Variants in ZNF385D observed in about 807,000 individuals in gnomAD.
ZNF385D encodes the protein zinc finger protein 659.
Under a neutral mutation model 35.8 loss-of-function variants are expected in ZNF385D, and 15 were observed. The observed-to-expected ratio is 0.42, with a 90% CI of 0.28 to 0.64. The LOEUF (loss-of-function observed/expected upper bound fraction) is 0.64. Among genes scored for constraint, ZNF385D ranks in the 30% least tolerant of loss-of-function variants. The probability of loss-of-function intolerance (pLI) is 0.23; values close to 1 mark genes in which losing one functional copy is unlikely to be tolerated. For missense variants in ZNF385D, 474 were observed against 494.6 expected, an observed-to-expected ratio of 0.96 and a Z score of 0.39; for synonymous variants, 212 against 186.8, an observed-to-expected ratio of 1.13 and a Z score of -1.10.
intron 2 of ZNF385D, among the ~76,000 whole-genome samples, chr3:21,600,329 G>A (rs896222734): frequency 2.0e-5 from 3 of 152,054 alleles, no homozygotes; most frequent in Non-Finnish European, 2.9e-5. Context: ...CTCTCTTGGG[G>A]TCTGAATCAG....
intron 5 of ZNF385D, among the ~76,000 whole-genome samples, chr3:21,428,575 C>T (rs1701131872): frequency 6.6e-6 from 1 of 152,112 alleles, no homozygotes; most frequent in African/African-American, 2.4e-5. Context: ...CCCCCACCCC[C>T]TGCTTTTTCT....
chr3:22,147,098 A>G (rs1704908588), intron 3 of ZNF385D, among the ~76,000 whole-genome samples: 1 of 152,216 alleles, frequency 6.6e-6, no homozygotes, highest in Non-Finnish European at 1.5e-5. Context: ...ACATTCTACA[A>G]ATGCTTGTAA....
chr3:21,980,377 C>G (rs1694362126), intron 3 of ZNF385D, among the ~76,000 whole-genome samples: 1 of 152,028 alleles, frequency 6.6e-6, no homozygotes, highest in Non-Finnish European at 1.5e-5. Flanking sequence ...TTTTAAGCCA[C>G]TAAATTTTGG....
At chr3:22,140,048 C>T (rs1191913577) in intron 3 of ZNF385D, among the ~76,000 whole-genome samples, 1 of 152,290 alleles carries the variant, frequency 6.6e-6, no homozygotes, top group African/African-American at 2.4e-5. Context: ...GTGGCAGTTT[C>T]TTATAAAGCT....
Position 21,494,702 on chromosome 3 carries a change from T to G in ZNF385D, c.439+16159A>C, listed in dbSNP as rs141911875. On this transcript the variant is annotated intron_variant, in intron 4 of 7. Coordinates refer to ENST00000281523, the MANE Select transcript of ZNF385D (RefSeq NM_024697.3). ...TATTCCCATAATCTTTACAAGCCTC[T>G]AGCACAAAACTTCTCAACCACTTTA... 1.7e-3 allele frequency among the ~76,000 whole-genome samples: 259 copies of G among 152,290 alleles called. 1 individual carries two copies. Among genetic ancestry groups the G allele is most frequent in the African/African-American group, 6.0e-3 (251 of 41,574 alleles).
intron 4 of ZNF385D, among the ~76,000 whole-genome samples, chr3:21,501,812 A>G (rs980711506): frequency 6.6e-6 from 1 of 152,234 alleles, no homozygotes; most frequent in African/African-American, 2.4e-5. Flanking sequence ...CAAACACACA[A>G]AGACACAGAT....
chr3:22,197,101 C>G (rs572538229), intron 2 of ZNF385D, among the ~76,000 whole-genome samples: 2 of 151,912 alleles, frequency 1.3e-5, no homozygotes, highest in South Asian at 4.2e-4. Flanking sequence ...AATTTTTAGT[C>G]TGATGTTTTG....
intron 3 of ZNF385D, among the ~76,000 whole-genome samples, chr3:21,994,598 T>C (rs1192807810): frequency 6.6e-6 from 1 of 152,214 alleles, no homozygotes; most frequent in Non-Finnish European, 1.5e-5. Context: ...AATGTTATGT[T>C]AGCTTGCTTT....
chr3:21,465,367 A>C lies in ZNF385D; in HGVS notation c.440-28164T>G, dbSNP rs1703448184. On this transcript the variant is annotated intron_variant, in intron 4 of 7. Transcript: ENST00000281523. This position sits in a 1 kb window ranked among gnomAD's most constrained non-coding sequence, Gnocchi z 4.2. ...TTTTGGTCTAACAAAGCCATATATA[A>C]TCCCAATTAATTTGAAATACTTTCT... Among the ~76,000 whole-genome samples, 1 of 152,206 alleles carries C rather than the reference A, an allele frequency of 6.6e-6. No homozygotes were observed. Among genetic ancestry groups the C allele is most frequent in the Non-Finnish European group, 1.5e-5 (1 of 68,042 alleles).
intron 3 of ZNF385D, among the ~76,000 whole-genome samples, chr3:21,783,661 G>A (rs1162228058): frequency 2.6e-5 from 4 of 152,002 alleles, no homozygotes; most frequent in Non-Finnish European, 4.4e-5. Flanking sequence ...TTCCCACCAT[G>A]TCTGGCTCCT....
At chr3:22,181,878 CTTA>C (rs1473160854) in intron 2 of ZNF385D, among the ~76,000 whole-genome samples, 1 of 152,076 alleles carries the variant, frequency 6.6e-6, no homozygotes, top group Non-Finnish European at 1.5e-5. Context: ...AAAATGTGAT[CTTA>C]TTATGAGTTT....
At chr3:21,865,724 GA>G (rs1697311863) in intron 3 of ZNF385D, among the ~76,000 whole-genome samples, 1 of 152,086 alleles carries the variant, frequency 6.6e-6, no homozygotes, top group Non-Finnish European at 1.5e-5. Context: ...TACACAAACA[GA>G]ATTTTGTTCC....
intron 3 of ZNF385D, among the ~76,000 whole-genome samples, chr3:21,937,049 A>G (rs1163822405): frequency 6.6e-6 from 1 of 152,178 alleles, no homozygotes; most frequent in African/African-American, 2.4e-5. Flanking sequence ...ATTCTTTGTC[A>G]GAGAGATTTG....
At chr3:22,053,267 A>G in intron 3 of ZNF385D, among the ~76,000 whole-genome samples, 1 of 78,030 alleles carries the variant, frequency 1.3e-5, no homozygotes, top group Non-Finnish European at 2.6e-5. Flanking sequence ...AAATAACTAA[A>G]ATCAGAGCAG....
intron 3 of ZNF385D, among the ~76,000 whole-genome samples, chr3:21,833,213 T>C (rs11712488): frequency 0.076 from 11,581 of 152,236 alleles, 597 homozygotes; most frequent in East Asian, 0.21. Flanking sequence ...ATTTTTAGAA[T>C]GGTATACTTA....
rs546338417 is a variant in ZNF385D at position 21,593,546 on chromosome 3, C to G, written c.166-28862G>C. Among the ~76,000 whole-genome samples the G allele has an allele frequency of 2.4e-4, 36 of 152,232 alleles. 1 individual carries two copies. Among genetic ancestry groups the G allele is most frequent in the Admixed American group, 2.0e-3 (31 of 15,300 alleles). ...GAAGTAAATAAAAGCCTTTTGCCAT[C>G]TCTTGCCTTTAGTATTAGTAGTAAA... On this transcript the variant is annotated intron_variant, in intron 2 of 7. Coordinates refer to ENST00000281523, the MANE Select transcript of ZNF385D (RefSeq NM_024697.3).
In ZNF385D at chr3:22,050,568, G is replaced by A. The variant is rs1182714053; in HGVS notation, c.325+118249C>T. On this transcript the variant is annotated intron_variant, in intron 3 of 5. Transcript: ENST00000494108. ...TTCTATTTCTTCATGATTCAATTTT[G>A]GTAGATTGTATGTATTGAACATTGT... is the stretch of plus-strand genomic sequence containing the variant. Among the ~76,000 whole-genome samples, 5 of 152,138 alleles carry A rather than the reference G, an allele frequency of 3.3e-5. No homozygotes were observed. In the East Asian group the frequency reaches 9.7e-4, roughly 29 times the overall value.
intron 3 of ZNF385D, among the ~76,000 whole-genome samples, chr3:22,120,593 A>T (rs1475509812): frequency 6.6e-6 from 1 of 152,168 alleles, no homozygotes; most frequent in Admixed American, 6.6e-5. Context: ...CCATAGTCTG[A>T]ATTCCATCTC....
intron 3 of ZNF385D, among the ~76,000 whole-genome samples, chr3:21,865,737 A>C (rs549016959): frequency 6.6e-6 from 1 of 152,280 alleles, no homozygotes; most frequent in East Asian, 1.9e-4. Context: ...TTTTGTTCCC[A>C]TTAAAATTAT....
Sources: gnomAD v4.1 joint callset for allele counts (sites outside exome capture counted in the v4.1 genomes callset) on GRCh38, gnomAD v4.1.1 for gene constraint, Gnocchi (gnomAD v3.1) non-coding constraint, MANE v1.5 for transcripts, NCBI Gene and HGNC (gene_info 2026-07-23, HGNC 2026-07-21) for gene names.